The following RPS6KB1 variants were observed in gnomAD, a reference collection of about 807,000 sequenced individuals.
RPS6KB1 encodes ribosomal protein S6 kinase B1.
Under a neutral mutation model 70.2 loss-of-function variants are expected in RPS6KB1, and 12 were observed. The ratio of observed to expected loss-of-function variants is 0.17; its 90% CI spans 0.11 to 0.28. The LOEUF (loss-of-function observed/expected upper bound fraction) is 0.28. Among genes scored for constraint, RPS6KB1 ranks in the 10% least tolerant of loss-of-function variants. The probability of loss-of-function intolerance (pLI) is 1.00; values close to 1 mark genes in which losing one functional copy is unlikely to be tolerated. For missense variants in RPS6KB1, 270 were observed against 646.6 expected (o/e 0.42, Z 6.32); for synonymous variants, 175 against 211.2 (o/e 0.83, Z 1.49).
intron 1 of RPS6KB1, among the ~76,000 whole-genome samples, chr17:59,906,021 A>C (rs2042244874): frequency 1.3e-5 from 2 of 152,130 alleles, no homozygotes; most frequent in African/African-American, 4.8e-5. Context: ...TTTTGTGTAT[A>C]GTGTGAAGTA....
intron 2 of RPS6KB1, among the ~76,000 whole-genome samples, chr17:59,911,763 T>G (rs1443619219): frequency 6.6e-6 from 1 of 151,848 alleles, no homozygotes; most frequent in East Asian, 1.9e-4. Flanking sequence ...TAGGCTGGAA[T>G]TTTTGTATTT....
intron 7 of RPS6KB1, among the ~76,000 whole-genome samples, chr17:59,932,473 G>T (rs1194687886): frequency 6.6e-6 from 1 of 151,718 alleles, no homozygotes; most frequent in Admixed American, 6.6e-5. Context: ...TTTTATTAAT[G>T]CTGGGAAAAG....
rs1474224368 is a variant in RPS6KB1 at position 59,912,677 on chromosome 17, T to G, written c.192-7T>G. ...AAATTTATTTTTGGTTTTGCTTTTC[T>G]TCCCAGTGGCATGGAACATTGTGAG... On this transcript the variant is annotated splice_polypyrimidine_tract_variant and splice_region_variant and intron_variant, in intron 2 of 14. Transcript: ENST00000225577. 1 of 1,606,400 alleles carries G rather than the reference T, an allele frequency of 6.2e-7. No individual in the cohort carries two copies. The highest frequency in any genetic ancestry group is 8.5e-7 in the Non-Finnish European group (1 of 1,176,810).
chr17:59,945,900 G>A (rs779702641), intron 14 of RPS6KB1, among the ~76,000 whole-genome samples: 4 of 151,990 alleles, frequency 2.6e-5, no homozygotes, highest in Non-Finnish European at 4.4e-5. Context: ...AATAGACAAA[G>A]GATATACAAA....
In RPS6KB1 at chr17:59,946,933, G is replaced by A. The variant is rs1197387453; in HGVS notation, c.*145G>A. On this transcript the variant is annotated 3_prime_UTR_variant, in exon 15 of 15. Transcript: ENST00000225577. The surrounding 1 kb of genome is among the most constrained non-coding windows in gnomAD (Gnocchi z 4.2). ...CACTTCAGACACAGGAAAAATAAAC[G>A]TGGATTTTAAAAAATCAATCAATGG... 2.7e-6 allele frequency: 4 copies of A among 1,474,482 alleles called. No individual in the cohort carries two copies. Among genetic ancestry groups the A allele is most frequent in the Non-Finnish European group, 3.6e-6 (4 of 1,114,858 alleles). The allele number at this position is 1,474,482 out of a possible 1,614,324, so 91.3% of individuals were successfully genotyped here.
At chr17:59,936,951 C>G (rs12451853) in intron 12 of RPS6KB1, among the ~76,000 whole-genome samples, 1 of 152,132 alleles carries the variant, frequency 6.6e-6, no homozygotes, top group Non-Finnish European at 1.5e-5. Flanking sequence ...CTTGACCTCC[C>G]CAGGCTCAGG....
chr17:59,910,887 C>A (rs891897705), intron 2 of RPS6KB1, among the ~76,000 whole-genome samples: 1 of 152,154 alleles, frequency 6.6e-6, no homozygotes, highest in African/African-American at 2.4e-5. Context: ...CAGTTTTAAT[C>A]TTTTCTTACA....
intron 4 of RPS6KB1, among the ~76,000 whole-genome samples, chr17:59,918,107 A>G (rs2043062120): frequency 6.6e-6 from 1 of 151,138 alleles, no homozygotes; most frequent in East Asian, 2.0e-4. Context: ...CTAATTTTGT[A>G]TTTTTAGAAG....
Position 59,926,671 on chromosome 17 carries a change from C to T in RPS6KB1, c.529+89C>T, listed in dbSNP as rs2043624630. On this transcript the variant is annotated intron_variant, in intron 5 of 14. Transcript: ENST00000225577. ...TTTTCAATGGAAGAATACTTTTTCCCATTATGATCAAATAGTGCTTAAAAT... is the reference window on the plus strand; with the variant it reads ...TTTTCAATGGAAGAATACTTTTTCCTATTATGATCAAATAGTGCTTAAAAT... 9.9e-6 allele frequency: 11 copies of T among 1,108,708 alleles called. No individual in the cohort carries two copies. In the South Asian group the frequency reaches 1.2e-4, roughly 12 times the overall value. The allele number at this position is 1,108,708 out of a possible 1,614,324, so 68.7% of individuals were successfully genotyped here. A position where few individuals can be genotyped will look rare whatever the true frequency, so the allele number is the denominator to read the frequency against.
Position 59,947,411 on chromosome 17 carries a change from T to A in RPS6KB1, c.*623T>A. 1 of 1,271,602 alleles carries A rather than the reference T, an allele frequency of 7.9e-7. No individual in the cohort carries two copies. The highest frequency in any genetic ancestry group is 1.5e-5 in the African/African-American group (1 of 65,060). The allele number at this position is 1,271,602 out of a possible 1,614,324, so 78.8% of individuals were successfully genotyped here. ...GTTGGTGTGAAGAAAGCCAGACAACTTCTGTTTCTTCTCTTGGTGAAATAA... is the reference window on the plus strand; with the variant it reads ...GTTGGTGTGAAGAAAGCCAGACAACATCTGTTTCTTCTCTTGGTGAAATAA... On this transcript the variant is annotated 3_prime_UTR_variant, in exon 15 of 15. Coordinates refer to ENST00000225577, the MANE Select transcript of RPS6KB1 (RefSeq NM_003161.4).
chr17:59,919,130 A>T (rs1206682790), intron 4 of RPS6KB1, among the ~76,000 whole-genome samples: 2 of 152,136 alleles, frequency 1.3e-5, no homozygotes, highest in African/African-American at 4.8e-5. Flanking sequence ...TTCATATTTA[A>T]GAGTAGAACT....
chr17:59,936,701 C>T (rs1269505025), intron 12 of RPS6KB1, among the ~76,000 whole-genome samples, 160 bp downstream of exon 12: 1 of 152,194 alleles, frequency 6.6e-6, no homozygotes, highest in African/African-American at 2.4e-5. Context: ...TAAAAGTTAG[C>T]TGGGTGTGGC....
rs1568518493 is a variant in RPS6KB1 at position 59,946,545 on chromosome 17, T to C, written c.1341-6T>C. 6.2e-7 allele frequency: 1 copy of C among 1,612,422 alleles called. No individual in the cohort carries two copies. Among genetic ancestry groups the C allele is most frequent in the East Asian group, 2.2e-5 (1 of 44,856 alleles). ...AAATGAATGATAGCTCTTCCTTGTC[T>C]TAAAGCCCAGTCAAATTTTCTCCTG... is the stretch of plus-strand genomic sequence containing the variant. On this transcript the variant is annotated splice_region_variant and splice_polypyrimidine_tract_variant and intron_variant, in intron 14 of 14. Transcript: ENST00000225577. This position sits in a 1 kb window ranked among gnomAD's most constrained non-coding sequence, Gnocchi z 4.2.
At chr17:59,932,415 A>T (rs2043976430) in intron 7 of RPS6KB1, among the ~76,000 whole-genome samples, 1 of 152,232 alleles carries the variant, frequency 6.6e-6, no homozygotes, top group African/African-American at 2.4e-5. Context: ...TCCGTCTCAA[A>T]AAAAAAGAAA....
intron 1 of RPS6KB1, among the ~76,000 whole-genome samples, chr17:59,906,378 C>T (rs2042264741): frequency 6.6e-6 from 1 of 151,760 alleles, no homozygotes; most frequent in South Asian, 2.1e-4. Flanking sequence ...TTCCCCTTCC[C>T]TTTCGACAGA....
intron 6 of RPS6KB1, 84 bp from the exon 7 acceptor site, chr17:59,931,538 C>A: frequency 9.3e-7 from 1 of 1,070,818 alleles, no homozygotes; most frequent in South Asian, 1.3e-5. Flanking sequence ...ATGTCTGTTT[C>A]TTTCAAGGAA....
intron 4 of RPS6KB1, among the ~76,000 whole-genome samples, chr17:59,916,203 C>T (rs551086520): frequency 5.3e-5 from 8 of 152,140 alleles, no homozygotes; most frequent in East Asian, 1.9e-4. Context: ...CAGGTTAAAG[C>T]GATTCCTCTG....
chr17:59,907,738 T>G (rs1339853051), intron 1 of RPS6KB1, among the ~76,000 whole-genome samples: 1 of 152,028 alleles, frequency 6.6e-6, no homozygotes, highest in African/African-American at 2.4e-5. Context: ...GGCAGGATCT[T>G]ACTGTGTTGG....
At position 59,945,317 on chromosome 17, in the gene RPS6KB1, A is replaced by G. The variant is rs533799221; in HGVS notation, c.1228-89A>G. The G allele has an allele frequency of 4.2e-5, 29 of 684,772 alleles. No homozygotes were observed. In the African/African-American group the frequency reaches 4.6e-4, roughly 11 times the overall value. 42.4% of individuals were successfully genotyped at this position (684,772 alleles called of 1,614,324 possible). ...ACATTGGTGGTTTTAGGTGTGCATC[A>G]TTGTGTAGGTATGTCAGACTGAACA... On this transcript the variant is annotated intron_variant, in intron 13 of 14. Transcript: ENST00000225577.
Sources: gnomAD v4.1 joint callset for allele counts (sites outside exome capture counted in the v4.1 genomes callset) on GRCh38, gnomAD v4.1.1 for gene constraint, Gnocchi (gnomAD v3.1) non-coding constraint, MANE v1.5 for transcripts, NCBI Gene and HGNC (gene_info 2026-07-23, HGNC 2026-07-21) for gene names.